The following TTC28 variants were observed in gnomAD, a reference collection of about 807,000 sequenced individuals.
TTC28 encodes tetratricopeptide repeat protein 28.
In TTC28, 61 loss-of-function variants were observed where a neutral mutation model predicts 198.0. The ratio of observed to expected loss-of-function variants is 0.31; its 90% CI spans 0.25 to 0.38. The LOEUF is 0.38. Ranked by LOEUF, TTC28 falls within the 10% of genes least tolerant of loss-of-function variation. TTC28 has a pLI of 1.00. For synonymous variants in TTC28, 1,171 were observed against 1,297.8 expected (o/e 0.90, Z 2.10); for missense variants, 2,678 against 3,164.0 (o/e 0.85, Z 3.69).
Position 28,163,294 on chromosome 22 carries a change from G to A in TTC28, c.1239C>T (p.Ala413=). The change falls in exon 6 of 23, where the codon GCC becomes GCT. Residue 413 remains alanine (A), a synonymous_variant. Coordinates refer to ENST00000397906, the MANE Select transcript of TTC28 (RefSeq NM_001145418.2). ...CCAGGACATAGTTATGGTAAGACAT[G>A]GCCTTGTCAAAGTTCCTCCGGTAGT... ...AYHYRRNFDK[A]MSYHNYVLEL... is the part of the protein sequence containing the mutation. 6.4e-7 allele frequency: 1 copy of A among 1,551,976 alleles called. No homozygotes were observed. The highest frequency in any genetic ancestry group is 8.7e-7 in the Non-Finnish European group (1 of 1,147,064).
chr22:28,378,883 G>A (rs2046453956), intron 2 of TTC28, among the ~76,000 whole-genome samples: 1 of 151,986 alleles, frequency 6.6e-6, no homozygotes, highest in Admixed American at 6.6e-5. Flanking sequence ...ATATATTTGA[G>A]AAAATAAGAC....
In TTC28 at chr22:28,642,216, A is replaced by T. The variant is rs925640635; in HGVS notation, c.103-12386T>A. On this transcript the variant is annotated intron_variant, in intron 1 of 22. Coordinates refer to ENST00000397906, the MANE Select transcript of TTC28 (RefSeq NM_001145418.2). The stretch of plus-strand genomic sequence containing the variant: ...AATCATTTTTAAATTTGATTAATAA[A>T]AAAAAAAAAAAGTAGGGGGAGGAAA... 9.2e-5 allele frequency among the ~76,000 whole-genome samples: 14 copies of T among 151,664 alleles called. No homozygotes were observed. In the East Asian group the frequency reaches 1.4e-3, roughly 15 times the overall value.
chr22:28,300,839 A>C (rs1435952432), intron 3 of TTC28, among the ~76,000 whole-genome samples: 1 of 152,228 alleles, frequency 6.6e-6, no homozygotes, highest in Admixed American at 6.5e-5. Context: ...AACTGACCAA[A>C]GAATACTTGT....
intron 2 of TTC28, among the ~76,000 whole-genome samples, chr22:28,622,058 C>T (rs1235982367): frequency 2.0e-5 from 3 of 151,990 alleles, no homozygotes; most frequent in Admixed American, 6.6e-5. Flanking sequence ...AAAGTACTAA[C>T]GAGTGAAGAG....
At chr22:28,512,196 C>A (rs766210890) in intron 2 of TTC28, among the ~76,000 whole-genome samples, 1 of 151,810 alleles carries the variant, frequency 6.6e-6, no homozygotes, top group African/African-American at 2.4e-5. Flanking sequence ...TGAAAAAAAG[C>A]TCAACATCAC....
At chr22:27,988,166 T>G (rs1937274896) in intron 21 of TTC28, among the ~76,000 whole-genome samples, 1 of 152,108 alleles carries the variant, frequency 6.6e-6, no homozygotes, top group South Asian at 2.1e-4. Context: ...CCACTTTACC[T>G]TCACAATACA....
chr22:28,659,836 T>G (rs572037720), intron 1 of TTC28, among the ~76,000 whole-genome samples: 1 of 151,880 alleles, frequency 6.6e-6, no homozygotes, highest in African/African-American at 2.4e-5. Context: ...TCTCGCTCTG[T>G]CACCCAGGCT....
chr22:28,138,512 AAGATGCCTATTCTGGC>A (rs1289884756), intron 6 of TTC28, among the ~76,000 whole-genome samples: 1 of 152,240 alleles, frequency 6.6e-6, no homozygotes, highest in African/African-American at 2.4e-5. Flanking sequence ...TATCACCATC[AAGATGCCTATTCTGGC>A]AGAAGCCCAT....
intron 2 of TTC28, among the ~76,000 whole-genome samples, chr22:28,605,530 C>A (rs1234841446): frequency 6.6e-6 from 1 of 152,158 alleles, no homozygotes; most frequent in African/African-American, 2.4e-5. Context: ...TTTTTTATCT[C>A]ATCTCTTATA....
At chr22:28,133,077 G>C (rs900044091) in intron 6 of TTC28, among the ~76,000 whole-genome samples, 3 of 152,176 alleles carry the variant, frequency 2.0e-5, no homozygotes, top group Non-Finnish European at 2.9e-5. Context: ...ACCAAAATTA[G>C]CCAGGTGTGA....
chr22:28,161,737 AC>A (rs1403125465), intron 6 of TTC28, among the ~76,000 whole-genome samples: 1 of 146,078 alleles, frequency 6.8e-6, no homozygotes, highest in Non-Finnish European at 1.5e-5. Flanking sequence ...ACAGGACAGG[AC>A]AGGACAGGAC....
chr22:28,604,439 G>A (rs950185751), intron 2 of TTC28, among the ~76,000 whole-genome samples: 8 of 150,596 alleles, frequency 5.3e-5, no homozygotes, highest in East Asian at 2.0e-4. Context: ...TAATTTTCTC[G>A]TTTCATTAAG....
At chr22:28,465,548 T>C (rs1330676689) in intron 2 of TTC28, among the ~76,000 whole-genome samples, 1 of 151,700 alleles carries the variant, frequency 6.6e-6, no homozygotes, top group Non-Finnish European at 1.5e-5. Flanking sequence ...CGCTTGAACC[T>C]AGGGAGTGGA....
intron 2 of TTC28, among the ~76,000 whole-genome samples, chr22:28,550,145 TA>T (rs1441368908): frequency 6.6e-6 from 1 of 152,140 alleles, no homozygotes; most frequent in East Asian, 1.9e-4. Flanking sequence ...TACTCCTCAC[TA>T]CGTCCCTGAA....
At chr22:28,339,574 T>C (rs573729791) in intron 2 of TTC28, among the ~76,000 whole-genome samples, 1 of 152,250 alleles carries the variant, frequency 6.6e-6, no homozygotes, top group East Asian at 1.9e-4. Flanking sequence ...GTTTACCTAC[T>C]CAAGCCTTGG....
Position 28,409,426 on chromosome 22 carries a change from C to T in TTC28, c.382-102783G>A, listed in dbSNP as rs796922579. Among the ~76,000 whole-genome samples the T allele has an allele frequency of 1.2e-4, 19 of 152,184 alleles. 1 individual carries two copies. The highest frequency in any genetic ancestry group is 4.6e-4 in the African/African-American group (19 of 41,534). On this transcript the variant is annotated intron_variant, in intron 2 of 22. Coordinates refer to ENST00000397906, the MANE Select transcript of TTC28 (RefSeq NM_001145418.2). ...GCATCATATCCTGAGACCATTCTAA[C>T]TCTTTGAAAGTTCTTCTTAAATAAA...
chr22:28,536,658 A>C (rs1294772110), intron 2 of TTC28, among the ~76,000 whole-genome samples: 10 of 152,206 alleles, frequency 6.6e-5, no homozygotes, highest in Non-Finnish European at 1.5e-4. Flanking sequence ...ACTACTGAGA[A>C]GCACTGAATA....
chr22:28,354,944 G>A (rs2046052565), intron 2 of TTC28, among the ~76,000 whole-genome samples: 1 of 150,626 alleles, frequency 6.6e-6, no homozygotes, highest in African/African-American at 2.4e-5. Context: ...TCTAGCATTA[G>A]GTATATCTCC....
intron 5 of TTC28, among the ~76,000 whole-genome samples, chr22:28,192,059 C>T (rs1402207175): frequency 2.6e-5 from 4 of 152,176 alleles, no homozygotes; most frequent in Non-Finnish European, 5.9e-5. Flanking sequence ...AGACTGACAC[C>T]TCACACGGCC....
Sources: allele counts gnomAD v4.1 joint callset (sites outside exome capture counted in the v4.1 genomes callset), GRCh38; gene constraint gnomAD v4.1.1; transcripts MANE v1.5; gene names NCBI Gene and HGNC (gene_info 2026-07-23, HGNC 2026-07-21).